The following CYP19A1 variants were observed in gnomAD, a reference collection of about 807,000 sequenced individuals.
CYP19A1 encodes the protein cytochrome P450 family 19 subfamily A member 1, also known as aromatase.
In CYP19A1, 32 loss-of-function variants were observed where a neutral mutation model predicts 44.4. That is an observed-to-expected ratio of 0.72 (90% CI 0.54 to 0.97). The LOEUF (loss-of-function observed/expected upper bound fraction) is 0.97. CYP19A1 is among the 50% of genes least tolerant of loss of function. The pLI, the probability that CYP19A1 is intolerant of heterozygous loss-of-function variation, is 0.00. For synonymous variants in CYP19A1, 212 were observed against 215.6 expected (o/e 0.98, Z 0.14); for missense variants, 598 against 637.8 (o/e 0.94, Z 0.67).
At position 51,228,066 on chromosome 15, in the gene CYP19A1, C is replaced by CG. The variant is rs555191361; in HGVS notation, c.297-134dup. ...TGCAATGTGCATGATTTCTAGTATT[C>CG]GGGTTGAATAAGCACTTCTGTTAGC... On this transcript the variant is annotated intron_variant, in intron 3 of 9. Coordinates refer to ENST00000396402, the MANE Select transcript of CYP19A1 (RefSeq NM_000103.4). 6.8e-5 allele frequency: 49 copies of CG among 722,308 alleles called. No homozygotes were observed. The East Asian group carries it at 1.1e-3, about 17-fold the overall frequency. 44.7% of individuals were successfully genotyped at this position (722,308 alleles called of 1,614,324 possible). A position where few individuals can be genotyped will look rare whatever the true frequency, so the allele number is the denominator to read the frequency against.
intron 1 of CYP19A1, among the ~76,000 whole-genome samples, chr15:51,330,045 G>A (rs1486094245): frequency 6.6e-6 from 1 of 152,180 alleles, no homozygotes; most frequent in Admixed American, 6.5e-5. Context: ...AAGGGGAGAA[G>A]AGGAAAACAG....
At chr15:51,214,801 G>C (rs1455055315) in intron 8 of CYP19A1, among the ~76,000 whole-genome samples, 1 of 152,192 alleles carries the variant, frequency 6.6e-6, no homozygotes, top group Non-Finnish European at 1.5e-5. Flanking sequence ...AGAGCGGAAA[G>C]GATTGGGGGA....
chr15:51,280,655 G>A (rs1243919517), intron 1 of CYP19A1, among the ~76,000 whole-genome samples: 1 of 152,228 alleles, frequency 6.6e-6, no homozygotes, highest in Non-Finnish European at 1.5e-5. Flanking sequence ...TCTGTAATGA[G>A]CCACTGCCCT....
chr15:51,311,815 A>G (rs1281729840), intron 1 of CYP19A1, among the ~76,000 whole-genome samples: 1 of 152,168 alleles, frequency 6.6e-6, no homozygotes, highest in Non-Finnish European at 1.5e-5. Flanking sequence ...GCTCACTGAC[A>G]TGTGTGAGGG....
intron 1 of CYP19A1, among the ~76,000 whole-genome samples, chr15:51,311,240 T>C (rs1192392544): frequency 6.6e-6 from 1 of 151,214 alleles, no homozygotes; most frequent in Non-Finnish European, 1.5e-5. Flanking sequence ...TTACAATGAA[T>C]GGAAAAATAG....
chr15:51,248,985 G>T (rs2034189874), intron 1 of CYP19A1, among the ~76,000 whole-genome samples: 1 of 149,236 alleles, frequency 6.7e-6, no homozygotes, highest in Admixed American at 6.7e-5. Context: ...AGGCTGGAGT[G>T]CTGGAGTGCA....
Position 51,227,906 on chromosome 15 carries a change from C to T in CYP19A1, c.324G>A (p.Lys108=), listed in dbSNP as rs28757183. 4 of 1,597,746 alleles carry T rather than the reference C, an allele frequency of 2.5e-6. No individual in the cohort carries two copies. In the East Asian group the frequency reaches 6.7e-5, roughly 27 times the overall value. ...CGAATCGAGAGCTGTAATGATTGTG[C>T]TTCATTATGTGGAACATACTTGAGG... is the stretch of plus-strand genomic sequence containing the variant. ...SKSSSMFHIM[K]HNHYSSRFGS... Residue 108 remains lysine, a synonymous_variant, in exon 4 of 10, where the codon AAG becomes AAA. Coordinates refer to ENST00000396402, the MANE Select transcript of CYP19A1 (RefSeq NM_000103.4).
chr15:51,214,831 C>T (rs2141041225), intron 8 of CYP19A1, among the ~76,000 whole-genome samples: 1 of 152,324 alleles, frequency 6.6e-6, no homozygotes, highest in Middle Eastern at 3.4e-3. Flanking sequence ...CTGCTTTACA[C>T]ATCATTCTGT....
At position 51,318,488 on chromosome 15, in the gene CYP19A1, C is replaced by T. The variant is rs541814250; in HGVS notation, c.-39+20007G>A. 5 of 152,450 alleles carry T rather than the reference C, an allele frequency of 3.3e-5. No individual in the cohort carries two copies. The South Asian group carries it at 8.3e-4, about 25-fold the overall frequency. 9.4% of individuals were successfully genotyped at this position (152,450 alleles called of 1,614,324 possible). ...CCTCCTGTCAGGCTCCAGTTGGTCACGTTCTACTTGGAGCCAGGAGCCAGT... is the reference window on the plus strand; with the variant it reads ...CCTCCTGTCAGGCTCCAGTTGGTCATGTTCTACTTGGAGCCAGGAGCCAGT... On this transcript the variant is annotated intron_variant, in intron 1 of 9. Coordinates refer to ENST00000396402, the MANE Select transcript of CYP19A1 (RefSeq NM_000103.4).
intron 1 of CYP19A1, among the ~76,000 whole-genome samples, chr15:51,322,185 G>T (rs939806504): frequency 3.9e-5 from 6 of 152,186 alleles, no homozygotes; most frequent in African/African-American, 1.4e-4. Context: ...GCCCCTGGCT[G>T]CTTCCCTGTG....
At chr15:51,256,323 A>G (rs2141153918) in intron 1 of CYP19A1, among the ~76,000 whole-genome samples, 2 of 152,378 alleles carry the variant, frequency 1.3e-5, no homozygotes, top group Middle Eastern at 6.8e-3. Flanking sequence ...AAGAAACTCA[A>G]ACCAGGTTTA....
intron 7 of CYP19A1, 23 bp downstream of exon 7, chr15:51,215,680 T>C: frequency 6.2e-7 from 1 of 1,613,934 alleles, no homozygotes; most frequent in South Asian, 1.1e-5. Context: ...GGCATGGGAA[T>C]TACAGTTAGT....
chr15:51,259,918 T>C (rs1323523864), intron 1 of CYP19A1, among the ~76,000 whole-genome samples: 1 of 152,168 alleles, frequency 6.6e-6, no homozygotes, highest in Non-Finnish European at 1.5e-5. Flanking sequence ...AGGATTCCAG[T>C]ATTGGGGAGA....
chr15:51,275,739 GTTTA>G lies in CYP19A1; in HGVS notation c.-38-32793_-38-32790del, dbSNP rs148540875. ...GAAAGACTAAATTATCCCAAGTATG[GTTTA>G]TTTATAAGAGTTCAAAAATTCTGCT... On this transcript the variant is annotated intron_variant, in intron 1 of 9. Coordinates refer to ENST00000396402, the MANE Select transcript of CYP19A1 (RefSeq NM_000103.4). Among the ~76,000 whole-genome samples, 843 of 152,256 alleles carry G rather than the reference GTTTA, an allele frequency of 5.5e-3. 13 individuals carry two copies. Among genetic ancestry groups the G allele is most frequent in the African/African-American group, 0.02 (814 of 41,544 alleles).
chr15:51,259,034 C>G (rs961016765), intron 1 of CYP19A1, among the ~76,000 whole-genome samples: 3 of 152,268 alleles, frequency 2.0e-5, no homozygotes, highest in East Asian at 1.9e-4. Flanking sequence ...TTAGGCAAAT[C>G]AGGAAATCTC....
chr15:51,299,112 G>C (rs1210062766), intron 1 of CYP19A1, among the ~76,000 whole-genome samples: 1 of 152,230 alleles, frequency 6.6e-6, no homozygotes, highest in Non-Finnish European at 1.5e-5. Context: ...TTCCTTCCGA[G>C]GTCCTGTGTA....
At chr15:51,309,999 G>C (rs1216326147) in intron 1 of CYP19A1, among the ~76,000 whole-genome samples, 10 of 152,298 alleles carry the variant, frequency 6.6e-5, no homozygotes, top group Non-Finnish European at 1.5e-4. Flanking sequence ...TAGAAAACTT[G>C]GAGCCATAGA....
intron 3 of CYP19A1, among the ~76,000 whole-genome samples, chr15:51,234,970 G>A (rs1315366346): frequency 6.6e-6 from 1 of 152,158 alleles, no homozygotes; most frequent in Non-Finnish European, 1.5e-5. Flanking sequence ...TGTCTGCTGA[G>A]GGAAAGAGGT....
At chr15:51,242,636 C>T in intron 2 of CYP19A1, 132 bp downstream of exon 2, 1 of 681,672 alleles carries the variant, frequency 1.5e-6, no homozygotes, top group East Asian at 2.7e-5. Flanking sequence ...TCCTCATTTG[C>T]TAACACAGAC....
Sources: gnomAD v4.1 joint callset for allele counts (sites outside exome capture counted in the v4.1 genomes callset) on GRCh38, gnomAD v4.1.1 for gene constraint, MANE v1.5 for transcripts, NCBI Gene and HGNC (gene_info 2026-07-23, HGNC 2026-07-21) for gene names.